Variants in MIA2 observed in about 807,000 individuals in gnomAD.
MIA2 encodes the protein MIA SH3 domain ER export factor 2.
A neutral mutation model predicts 167.8 loss-of-function variants in MIA2; 127 were observed. The ratio of observed to expected loss-of-function variants is 0.76; its 90% CI spans 0.66 to 0.88. The LOEUF (loss-of-function observed/expected upper bound fraction) is 0.88, where lower values mean the gene tolerates loss of function less well. Among genes scored for constraint, MIA2 ranks in the 40% least tolerant of loss-of-function variants. The pLI is 0.00. For synonymous variants in MIA2, 552 were observed against 541.9 expected, an observed-to-expected ratio of 1.02 and a Z score of -0.26; for missense variants, 1,690 against 1,624.7, an observed-to-expected ratio of 1.04 and a Z score of -0.69.
intron 23 of MIA2, among the ~76,000 whole-genome samples, chr14:39,377,761 C>T (rs1295593396): frequency 6.7e-6 from 1 of 148,200 alleles, no homozygotes; most frequent in Non-Finnish European, 1.5e-5. Flanking sequence ...GGCTCTCTCC[C>T]TTTTTTTTTT....
At chr14:39,269,331 T>G (rs1264760973) in intron 6 of MIA2, among the ~76,000 whole-genome samples, 1 of 151,946 alleles carries the variant, frequency 6.6e-6, no homozygotes, top group East Asian at 1.9e-4. Flanking sequence ...CTCTACTGAT[T>G]AGCAGTCTTA....
intron 9 of MIA2, among the ~76,000 whole-genome samples, chr14:39,288,449 A>ATTTTTTTTTTTTTTTTT (rs1566746769): frequency 2.3e-4 from 1 of 4,368 alleles, no homozygotes; most frequent in Non-Finnish European, 6.9e-4. Context: ...ATATATATAT[A>ATTTTTTTTTTTTTTTTT]TATATATATA....
At chr14:39,263,015 C>G (rs544661173) in intron 6 of MIA2, among the ~76,000 whole-genome samples, 3 of 152,192 alleles carry the variant, frequency 2.0e-5, no homozygotes, top group African/African-American at 7.2e-5. Flanking sequence ...ATTTCCTTCT[C>G]TTGCCTGATT....
chr14:39,252,732 T>C lies in MIA2; in HGVS notation c.1568-16T>C. On this transcript the variant is annotated splice_polypyrimidine_tract_variant and intron_variant, in intron 4 of 28. Coordinates refer to ENST00000640607, the MANE Select transcript of MIA2 (RefSeq NM_001329214.4). ...AAGTATTTTGGAAAAACACATTTCT[T>C]TTTATTTATTTGTAGATATGGTCTC... 6.3e-7 allele frequency: 1 copy of C among 1,579,458 alleles called. No individual in the cohort carries two copies. The highest frequency in any genetic ancestry group is 8.6e-7 in the Non-Finnish European group (1 of 1,159,116).
In MIA2 at chr14:39,331,260, C is replaced by G. The variant is rs540864399; in HGVS notation, c.3655+4238C>G. 2.0e-5 allele frequency among the ~76,000 whole-genome samples: 3 copies of G among 152,214 alleles called. No homozygotes were observed. The South Asian group carries it at 6.2e-4, about 32-fold the overall frequency. The stretch of plus-strand genomic sequence containing the variant: ...TTTGTTGGTTTCAAGTCTTTTTTAT[C>G]AGAGACTAGGATTACAACCCTGCTT... On this transcript the variant is annotated intron_variant, in intron 25 of 28. Coordinates refer to ENST00000640607, the MANE Select transcript of MIA2 (RefSeq NM_001329214.4).
intron 26 of MIA2, 68 bp from the exon 27 acceptor site, chr14:39,347,645 G>A: frequency 6.6e-7 from 1 of 1,523,760 alleles, no homozygotes; most frequent in South Asian, 1.1e-5. Context: ...CCAATTTTGT[G>A]ATCTGGAGAT....
chr14:39,259,400 T>C (rs929120373), intron 6 of MIA2, among the ~76,000 whole-genome samples: 1 of 152,222 alleles, frequency 6.6e-6, no homozygotes, highest in African/African-American at 2.4e-5. Context: ...GATTCAACAA[T>C]GGAAAGAGAA....
At position 39,350,588 on chromosome 14, in the gene MIA2, C is replaced by G. The variant is rs2074281392; in HGVS notation, c.*324C>G. 1 of 222,408 alleles carries G rather than the reference C, an allele frequency of 4.5e-6. No homozygotes were observed. The highest frequency in any genetic ancestry group is 2.3e-5 in the African/African-American group (1 of 44,156). 13.8% of individuals were successfully genotyped at this position (222,408 alleles called of 1,614,324 possible). A position where few individuals can be genotyped will look rare whatever the true frequency, so the allele number is the denominator to read the frequency against. On this transcript the variant is annotated 3_prime_UTR_variant, in exon 29 of 29. Coordinates refer to ENST00000640607, the MANE Select transcript of MIA2 (RefSeq NM_001329214.4). Reference sequence around the variant, plus strand: ...GTCTTTATGCCAAGAACTGTATTTACTGTGGTTGTGGACAAATGTGAAAGT... The same window carrying G: ...GTCTTTATGCCAAGAACTGTATTTAGTGTGGTTGTGGACAAATGTGAAAGT...
intron 6 of MIA2, among the ~76,000 whole-genome samples, chr14:39,258,554 G>A (rs560504287): frequency 1.3e-5 from 2 of 152,260 alleles, no homozygotes; most frequent in East Asian, 1.9e-4. Context: ...AGAGGAGTTT[G>A]TTATTACCCA....
intron 6 of MIA2, among the ~76,000 whole-genome samples, chr14:39,262,403 G>C (rs1398197340): frequency 2.0e-5 from 3 of 152,190 alleles, no homozygotes; most frequent in East Asian, 3.9e-4. Flanking sequence ...GTACCATGCT[G>C]TTTTGGTTAC....
At chr14:39,386,574 T>C in intron 23 of MIA2, 1 of 1,121,702 alleles carries the variant, frequency 8.9e-7, no homozygotes, top group South Asian at 1.4e-5. Flanking sequence ...TTTGTTATCA[T>C]CACCTGCTGT....
At chr14:39,293,089 C>G (rs1158209920) in intron 10 of MIA2, among the ~76,000 whole-genome samples, 182 bp from the exon 11 acceptor site, 2 of 152,214 alleles carry the variant, frequency 1.3e-5, no homozygotes, top group African/African-American at 4.8e-5. Flanking sequence ...TATTTATTCT[C>G]TGGCTCTTTA....
chr14:39,340,884 C>A (rs1259535821), intron 25 of MIA2, among the ~76,000 whole-genome samples: 1 of 152,042 alleles, frequency 6.6e-6, no homozygotes, highest in African/African-American at 2.4e-5. Context: ...TGTCAGTCTT[C>A]CTGAAGAGAC....
chr14:39,240,757 A>T (rs2054001039), intron 3 of MIA2, 110 bp downstream of exon 3: 2 of 654,524 alleles, frequency 3.1e-6, no homozygotes, highest in Non-Finnish European at 5.2e-6. Context: ...TAAATGCATA[A>T]AATAGTTGGC....
At chr14:39,261,545 G>C (rs1213146335) in intron 6 of MIA2, among the ~76,000 whole-genome samples, 3 of 152,116 alleles carry the variant, frequency 2.0e-5, no homozygotes, top group Non-Finnish European at 2.9e-5. Flanking sequence ...TCTACTTCTA[G>C]ATCCTTGAGG....
Position 39,345,971 on chromosome 14 carries a change from ACTGT to A in MIA2, c.3727_3730del (p.Ser1243AspfsTer38). The A allele has an allele frequency of 6.2e-7, 1 of 1,611,398 alleles. No homozygotes were observed. The highest frequency in any genetic ancestry group is 8.5e-7 in the Non-Finnish European group (1 of 1,177,850). On this transcript the variant is annotated frameshift_variant, in exon 26 of 29. Coordinates refer to ENST00000640607, the MANE Select transcript of MIA2 (RefSeq NM_001329214.4). LOFTEE classifies it high-confidence loss of function. ...ACAGATTTTGTTCTAATTCTGGTAG[ACTGT>A]CTGGACCAGCAGAACTCAGAAGTTT...
At chr14:39,354,832 T>G (rs956103158), downstream of MIA2, among the ~76,000 whole-genome samples, 16 of 152,246 alleles carry the variant, frequency 1.1e-4, no homozygotes, top group East Asian at 2.3e-3. Flanking sequence ...TTTCCCCATT[T>G]CTTGTTTTTC....
intron 23 of MIA2, chr14:39,386,012 C>A: frequency 1.1e-6 from 1 of 943,736 alleles, no homozygotes; most frequent in East Asian, 2.4e-5. Context: ...GCAGCACCTA[C>A]AGTCTGTCAT....
At chr14:39,336,083 T>C (rs578178769) in intron 25 of MIA2, among the ~76,000 whole-genome samples, 1 of 152,326 alleles carries the variant, frequency 6.6e-6, no homozygotes, top group Non-Finnish European at 1.5e-5. Context: ...TTGTGCCTTT[T>C]TTGTAGAACG....
Sources: gnomAD v4.1 joint callset for allele counts (sites outside exome capture counted in the v4.1 genomes callset) on GRCh38, gnomAD v4.1.1 for gene constraint, MANE v1.5 for transcripts, NCBI Gene and HGNC (gene_info 2026-07-23, HGNC 2026-07-21) for gene names.